Variants in EMP2 observed in about 807,000 individuals in gnomAD.
The protein encoded by EMP2 is epithelial membrane protein 2.
A neutral mutation model predicts 13.7 loss-of-function variants in EMP2; 19 were observed. The observed-to-expected ratio is 1.38, with a 90% CI of 0.97 to 2.03. The LOEUF (loss-of-function observed/expected upper bound fraction) is 2.03, where lower values mean the gene tolerates loss of function less well. EMP2 is among the 30% of genes most tolerant of loss of function. EMP2 has a pLI of 0.00. For synonymous variants in EMP2, 97 were observed against 84.7 expected (o/e 1.15, Z -0.80); for missense variants, 253 against 220.7 (o/e 1.15, Z -0.93).
At chr16:10,537,159 G>A (rs1041914847) in intron 4 of EMP2, among the ~76,000 whole-genome samples, 11 of 152,170 alleles carry the variant, frequency 7.2e-5, no homozygotes, top group African/African-American at 2.7e-4. Flanking sequence ...CACCCTAGAA[G>A]GGACTTCTGT....
chr16:10,578,376 G>A (rs1349472853), intron 1 of EMP2, among the ~76,000 whole-genome samples: 7 of 152,192 alleles, frequency 4.6e-5, no homozygotes, highest in African/African-American at 4.8e-5. Flanking sequence ...ATTCACTTCC[G>A]TTCCAGGAAG....
rs2050585524 is a variant in EMP2, at chr16:10,529,994, GT to G, written c.*2910del. The stretch of plus-strand genomic sequence containing the variant: ...TATAGAAAAGCCACCAAGGTAGAAA[GT>G]TTCAAGGGAACTTAAGATTCAACTT... On this transcript the variant is annotated 3_prime_UTR_variant, in exon 5 of 5. Transcript: ENST00000359543. 1 of 151,258 alleles carries G rather than the reference GT, an allele frequency of 6.6e-6. No individual in the cohort carries two copies. Among genetic ancestry groups the G allele is most frequent in the Non-Finnish European group, 1.5e-5 (1 of 67,858 alleles). The allele number at this position is 151,258 out of a possible 1,614,324, so 9.4% of individuals were successfully genotyped here.
intron 2 of EMP2, 196 bp downstream of exon 2, chr16:10,547,344 G>C (rs1381549766): frequency 3.5e-6 from 2 of 570,366 alleles, no homozygotes; most frequent in Non-Finnish European, 6.1e-6. Flanking sequence ...TGTAAGATGT[G>C]GCTTTGCTCC....
chr16:10,570,970 A>G lies in EMP2; in HGVS notation c.-61+9579T>C, dbSNP rs147484252. Reference sequence around the variant, plus strand: ...GTGGTGAGAGAGGATTAAGAGTTGCAGGAACTGGCAGGGGCCGGTGGCTCA... The same window carrying G: ...GTGGTGAGAGAGGATTAAGAGTTGCGGGAACTGGCAGGGGCCGGTGGCTCA... On this transcript the variant is annotated intron_variant, in intron 1 of 4. Transcript: ENST00000359543. 4.3e-3 allele frequency among the ~76,000 whole-genome samples: 646 copies of G among 151,918 alleles called. 2 individuals are homozygous for G. Among genetic ancestry groups the G allele is most frequent in the African/African-American group, 0.015 (612 of 41,480 alleles).
At chr16:10,544,583 G>C (rs763096313) in intron 2 of EMP2, 1 of 152,378 alleles carries the variant, frequency 6.6e-6, no homozygotes, top group Non-Finnish European at 1.5e-5. Flanking sequence ...AAAAGATGAG[G>C]CTGAGTTGCT....
In EMP2 at chr16:10,530,462, T is replaced by C. The variant is rs975432193; in HGVS notation, c.*2443A>G. The stretch of plus-strand genomic sequence containing the variant: ...CCACTCCACTCAGCAGAAGGTCAAG[T>C]GCAAAAGTATTTAAATAGCACGAGG... On this transcript the variant is annotated 3_prime_UTR_variant, in exon 5 of 5. Transcript: ENST00000359543. The C allele has an allele frequency of 3.9e-5, 6 of 152,564 alleles. No homozygotes were observed. The highest frequency in any genetic ancestry group is 1.4e-4 in the African/African-American group (6 of 41,418). The allele number at this position is 152,564 out of a possible 1,614,324, so 9.5% of individuals were successfully genotyped here. A position where few individuals can be genotyped will look rare whatever the true frequency, so the allele number is the denominator to read the frequency against.
At chr16:10,535,077 C>G (rs1165907717) in intron 4 of EMP2, among the ~76,000 whole-genome samples, 1 of 152,192 alleles carries the variant, frequency 6.6e-6, no homozygotes, top group Non-Finnish European at 1.5e-5. Flanking sequence ...CTTTCCAAGA[C>G]CTGGTTTTTC....
Position 10,547,684 on chromosome 16 carries a change from A to T in EMP2, c.-60-7T>A, listed in dbSNP as rs140529660. On this transcript the variant is annotated splice_region_variant and splice_polypyrimidine_tract_variant and intron_variant, in intron 1 of 4. Coordinates refer to ENST00000359543, the MANE Select transcript of EMP2 (RefSeq NM_001424.6). ...AAGCCCAGAGCGGGATGTGCTGAAG[A>T]GGGTAAGAAAGAGAAATTCAAAATC... is the stretch of plus-strand genomic sequence containing the variant. 2,312 of 1,474,342 alleles carry T rather than the reference A, an allele frequency of 1.6e-3. 37 individuals carry two copies. The African/African-American group carries it at 0.028, about 18-fold the overall frequency. The allele number at this position is 1,474,342 out of a possible 1,614,324, so 91.3% of individuals were successfully genotyped here. A position where few individuals can be genotyped will look rare whatever the true frequency, so the allele number is the denominator to read the frequency against.
At chr16:10,558,190 C>T (rs2050846293) in intron 1 of EMP2, among the ~76,000 whole-genome samples, 1 of 152,012 alleles carries the variant, frequency 6.6e-6, no homozygotes, top group Non-Finnish European at 1.5e-5. Flanking sequence ...CCACCATGCC[C>T]GTCTAATTTT....
chr16:10,547,735 T>A (rs1028830749), intron 1 of EMP2, 58 bp from the exon 2 acceptor site: 1 of 1,024,502 alleles, frequency 9.8e-7, no homozygotes, highest in Non-Finnish European at 1.4e-6. Context: ...AAAATTACAA[T>A]AAAAAATAAA....
At position 10,562,147 on chromosome 16, in the gene EMP2, T is replaced by C. The variant is rs535666075; in HGVS notation, c.-60-14470A>G. On this transcript the variant is annotated intron_variant, in intron 1 of 4. Coordinates refer to ENST00000359543, the MANE Select transcript of EMP2 (RefSeq NM_001424.6). ...AGGAAAGACAGACCAATATCCCACA[T>C]GTGCATGAGTGAAAAAAAAATTAAA... Among the ~76,000 whole-genome samples the C allele has an allele frequency of 2.6e-5, 4 of 152,202 alleles. No homozygotes were observed. The South Asian group carries it at 8.3e-4, about 32-fold the overall frequency.
chr16:10,533,179 C>T, intron 4 of EMP2, 87 bp from the exon 5 acceptor site: 1 of 1,160,326 alleles, frequency 8.6e-7, no homozygotes, highest in Non-Finnish European at 1.1e-6. Context: ...GAGTTGAAGA[C>T]AAACTTCAGC....
intron 1 of EMP2, among the ~76,000 whole-genome samples, chr16:10,556,631 C>G (rs879322934): frequency 6.6e-6 from 1 of 152,218 alleles, no homozygotes; most frequent in African/African-American, 2.4e-5. Flanking sequence ...CACATGAAAA[C>G]GAGACTCCTC....
At chr16:10,561,527 C>A (rs12924531) in intron 1 of EMP2, among the ~76,000 whole-genome samples, 15,705 of 151,936 alleles carry the variant, frequency 0.1, 1,077 homozygotes, top group East Asian at 0.21. Context: ...ATGATGGGAC[C>A]CAGAAGCCAG....
chr16:10,575,752 G>A (rs1172455305), intron 1 of EMP2, among the ~76,000 whole-genome samples: 1 of 152,038 alleles, frequency 6.6e-6, no homozygotes, highest in Non-Finnish European at 1.5e-5. Context: ...ACTTCCATGT[G>A]CATCAATATA....
intron 1 of EMP2, among the ~76,000 whole-genome samples, chr16:10,568,839 T>A (rs964951927): frequency 7.5e-6 from 1 of 133,182 alleles, no homozygotes; most frequent in Non-Finnish European, 1.5e-5. Context: ...CAAGCTGGAG[T>A]ACAGTGGCGC....
Position 10,537,920 on chromosome 16 carries a change from G to T in EMP2, c.316+8C>A, listed in dbSNP as rs200539064. On this transcript the variant is annotated splice_region_variant and intron_variant, in intron 4 of 4. Coordinates refer to ENST00000359543, the MANE Select transcript of EMP2 (RefSeq NM_001424.6). ...CCCCTTGTTAGGGAAGCCCGTTGAT[G>T]TACTTACATGACATTAGCTGGATGA... The T allele has an allele frequency of 2.5e-6, 4 of 1,613,152 alleles. No individual in the cohort carries two copies. The highest frequency in any genetic ancestry group is 3.4e-6 in the Non-Finnish European group (4 of 1,179,212).
At position 10,580,320 on chromosome 16, in the gene EMP2, T is replaced by A. The variant is rs1300150169; in HGVS notation, c.-61+229A>T. Among the ~76,000 whole-genome samples the A allele has an allele frequency of 6.6e-6, 1 of 152,010 alleles. No homozygotes were observed. The highest frequency in any genetic ancestry group is 1.5e-5 in the Non-Finnish European group (1 of 67,962). On this transcript the variant is annotated intron_variant, in intron 1 of 4. Transcript: ENST00000359543. The surrounding 1 kb of genome is among the most constrained non-coding windows in gnomAD (Gnocchi z 4.3). ...CCCGCCTGCTTCGGCTCAAAAGGCG[T>A]GGGAAGCTGTCCCGGGATGGCGAAG...
At chr16:10,564,601 T>C (rs2050895016) in intron 1 of EMP2, among the ~76,000 whole-genome samples, 1 of 150,816 alleles carries the variant, frequency 6.6e-6, no homozygotes, top group Non-Finnish European at 1.5e-5. Context: ...TCATTATCAA[T>C]CATCACCAGC....
Sources: gnomAD v4.1 joint callset for allele counts (sites outside exome capture counted in the v4.1 genomes callset) on GRCh38, gnomAD v4.1.1 for gene constraint, Gnocchi (gnomAD v3.1) non-coding constraint, MANE v1.5 for transcripts, NCBI Gene and HGNC (gene_info 2026-07-23, HGNC 2026-07-21) for gene names.